KHDRBS3: variants seen among roughly 807,000 people sequenced by gnomAD.
The protein encoded by KHDRBS3 is KH domain-containing, RNA-binding, signal transduction-associated protein 3.
A neutral mutation model predicts 45.6 loss-of-function variants in KHDRBS3; 23 were observed. The observed-to-expected ratio is 0.50, with a 90% CI of 0.36 to 0.72. KHDRBS3 has a LOEUF of 0.72. Ranked by LOEUF, KHDRBS3 falls within the 30% of genes least tolerant of loss-of-function variation. The pLI is 0.00. For missense variants in KHDRBS3, 352 were observed against 424.8 expected, an observed-to-expected ratio of 0.83 and a Z score of 1.51; for synonymous variants, 162 against 156.5, an observed-to-expected ratio of 1.04 and a Z score of -0.26.
chr8:135,623,541 G>T (rs1362004138), intron 7 of KHDRBS3, among the ~76,000 whole-genome samples: 3 of 151,532 alleles, frequency 2.0e-5, no homozygotes, highest in Non-Finnish European at 2.9e-5. Context: ...TTTTTTTAGG[G>T]TTGTGTCACC....
At chr8:135,513,678 C>G (rs1376411353) in intron 1 of KHDRBS3, among the ~76,000 whole-genome samples, 1 of 152,026 alleles carries the variant, frequency 6.6e-6, no homozygotes, top group Non-Finnish European at 1.5e-5. Context: ...GAAAGTGGAC[C>G]CTTTTGCCAT....
chr8:135,648,033 G>A (rs1321993642), downstream of KHDRBS3: 1 of 152,150 alleles, frequency 6.6e-6, no homozygotes, highest in Non-Finnish European at 1.5e-5. Flanking sequence ...TAAGCACAAA[G>A]CTTTTAAAGA....
At chr8:135,536,234 GTTTTTTTTTTT>G (rs374782370) in intron 2 of KHDRBS3, among the ~76,000 whole-genome samples, 16 of 86,412 alleles carry the variant, frequency 1.9e-4, no homozygotes, top group African/African-American at 5.3e-4. Flanking sequence ...TTTCTGTCCA[GTTTTTTTTTTT>G]TTTTTTTTTT....
At chr8:135,497,539 G>A (rs921422454) in intron 1 of KHDRBS3, among the ~76,000 whole-genome samples, 8 of 152,102 alleles carry the variant, frequency 5.3e-5, no homozygotes, top group Non-Finnish European at 1.0e-4. Flanking sequence ...AATAGGAAGC[G>A]ACATACCAGA....
chr8:135,641,348 A>C (rs1031515508), intron 7 of KHDRBS3, among the ~76,000 whole-genome samples: 1 of 152,208 alleles, frequency 6.6e-6, no homozygotes, highest in Admixed American at 6.5e-5. Context: ...CAAGTTAAAC[A>C]ATTGGGAACT....
At chr8:135,498,307 G>C (rs1823561619) in intron 1 of KHDRBS3, among the ~76,000 whole-genome samples, 1 of 152,034 alleles carries the variant, frequency 6.6e-6, no homozygotes. Flanking sequence ...CTACCGTACT[G>C]CATTACTTCT....
intron 1 of KHDRBS3, among the ~76,000 whole-genome samples, chr8:135,490,696 C>T (rs1823103923): frequency 1.3e-5 from 2 of 152,164 alleles, no homozygotes; most frequent in Non-Finnish European, 1.5e-5. Context: ...CTGAAGCCCC[C>T]ATCTGTAGGT....
chr8:135,514,437 T>C lies in KHDRBS3; in HGVS notation c.89-6800T>C, dbSNP rs145262382. ...CCCCGTGGATGAGCCTTGAGGGCAT[T>C]ATGCTAAGTGAAATAAGCCAAGCAT... On this transcript the variant is annotated intron_variant, in intron 1 of 8. Coordinates refer to ENST00000355849, the MANE Select transcript of KHDRBS3 (RefSeq NM_006558.3). Among the ~76,000 whole-genome samples, 40 of 152,346 alleles carry C rather than the reference T, an allele frequency of 2.6e-4. No homozygotes were observed. The East Asian group carries it at 6.6e-3, about 25-fold the overall frequency.
chr8:135,542,779 A>C lies in KHDRBS3; in HGVS notation c.324+9A>C. On this transcript the variant is annotated intron_variant, in intron 3 of 8. Transcript: ENST00000355849. ...TGAGAGACAAGGCCAAGGTAATATT[A>C]ATTATAGAAAACGGCTAAGTTGTGT... The C allele has an allele frequency of 6.4e-7, 1 of 1,553,072 alleles. No individual in the cohort carries two copies. The highest frequency in any genetic ancestry group is 1.7e-4 in the Middle Eastern group (1 of 5,926).
intron 1 of KHDRBS3, among the ~76,000 whole-genome samples, chr8:135,485,846 A>G (rs1284073384): frequency 8.2e-5 from 11 of 134,904 alleles, no homozygotes; most frequent in African/African-American, 3.2e-4. Context: ...TCAAGTTTAT[A>G]TATATATATA....
chr8:135,550,197 T>C (rs1826517532), intron 4 of KHDRBS3, among the ~76,000 whole-genome samples: 1 of 152,088 alleles, frequency 6.6e-6, no homozygotes, highest in Non-Finnish European at 1.5e-5. Context: ...GTGAAACAGA[T>C]TCTCTTTTCC....
chr8:135,646,250 G>C (rs984133877), intron 8 of KHDRBS3, among the ~76,000 whole-genome samples: 3 of 151,996 alleles, frequency 2.0e-5, no homozygotes, highest in African/African-American at 7.3e-5. Flanking sequence ...TGATGTCCAA[G>C]ACTTATAGAT....
intron 5 of KHDRBS3, among the ~76,000 whole-genome samples, chr8:135,574,782 C>G (rs1398802683): frequency 6.6e-6 from 1 of 152,150 alleles, no homozygotes; most frequent in Admixed American, 6.5e-5. Flanking sequence ...GGGTAAGACA[C>G]TACAGAAATT....
At chr8:135,638,515 A>G (rs894500645) in intron 7 of KHDRBS3, among the ~76,000 whole-genome samples, 52 of 152,252 alleles carry the variant, frequency 3.4e-4, no homozygotes, top group African/African-American at 1.2e-3. Context: ...ATCATACTCA[A>G]CAAACTGGAA....
At chr8:135,546,436 A>G (rs1027384225) in intron 3 of KHDRBS3, among the ~76,000 whole-genome samples, 1 of 152,210 alleles carries the variant, frequency 6.6e-6, no homozygotes, top group African/African-American at 2.4e-5. Flanking sequence ...TTATTGATGT[A>G]TATTAGTTGG....
intron 1 of KHDRBS3, among the ~76,000 whole-genome samples, chr8:135,493,362 T>G (rs1823255163): frequency 6.6e-6 from 1 of 152,164 alleles, no homozygotes; most frequent in Non-Finnish European, 1.5e-5. Context: ...AAGAGGACAT[T>G]CTTTCTTTTT....
intron 1 of KHDRBS3, among the ~76,000 whole-genome samples, chr8:135,505,132 T>C (rs1422537182): frequency 1.3e-5 from 2 of 152,198 alleles, no homozygotes; most frequent in Non-Finnish European, 2.9e-5. Flanking sequence ...GTTTAGCTAT[T>C]TGGTTTTCCA....
chr8:135,544,770 G>A (rs1826208532), intron 3 of KHDRBS3, among the ~76,000 whole-genome samples: 1 of 152,066 alleles, frequency 6.6e-6, no homozygotes, highest in Non-Finnish European at 1.5e-5. Flanking sequence ...TCATTTCTAT[G>A]TCTTTGGAAA....
rs912820810 is a variant in KHDRBS3, at chr8:135,625,463, T to G, written c.890+18426T>G. ...TCTTTCACACCACACCAGGGCAGCCTTAGGAGCCACAGCAGTTCTCTGTGT... is the reference window on the plus strand; with the variant it reads ...TCTTTCACACCACACCAGGGCAGCCGTAGGAGCCACAGCAGTTCTCTGTGT... On this transcript the variant is annotated intron_variant, in intron 7 of 8. Transcript: ENST00000355849. 1.4e-5 allele frequency: 11 copies of G among 777,882 alleles called. No individual in the cohort carries two copies. In the African/African-American group the frequency reaches 1.5e-4, roughly 11 times the overall value. 48.2% of individuals were successfully genotyped at this position (777,882 alleles called of 1,614,324 possible).
Sources: gnomAD v4.1 joint callset for allele counts (sites outside exome capture counted in the v4.1 genomes callset) on GRCh38, gnomAD v4.1.1 for gene constraint, MANE v1.5 for transcripts, NCBI Gene and HGNC (gene_info 2026-07-23, HGNC 2026-07-21) for gene names.